Variants in CEP112 observed in about 807,000 individuals in gnomAD.
The protein encoded by CEP112 is centrosomal protein 112.
A neutral mutation model predicts 153.0 loss-of-function variants in CEP112; 127 were observed. The ratio of observed to expected loss-of-function variants is 0.83; its 90% CI spans 0.72 to 0.96. The LOEUF is 0.96. CEP112 is among the 40% of genes least tolerant of loss of function. The pLI is 0.00. For synonymous variants in CEP112, 358 were observed against 374.4 expected, an observed-to-expected ratio of 0.96 and a Z score of 0.51; for missense variants, 1,089 against 1,101.2, an observed-to-expected ratio of 0.99 and a Z score of 0.16.
At chr17:65,859,439 C>CAA (rs57675567) in intron 20 of CEP112, among the ~76,000 whole-genome samples, 5 of 93,666 alleles carry the variant, frequency 5.3e-5, no homozygotes, top group South Asian at 3.5e-4. Context: ...GACTCCATCT[C>CAA]AAAAAAAAAA....
At chr17:65,998,922 G>A (rs1042403834) in intron 17 of CEP112, among the ~76,000 whole-genome samples, 1 of 151,932 alleles carries the variant, frequency 6.6e-6, no homozygotes, top group African/African-American at 2.4e-5. Flanking sequence ...AATTCAAACT[G>A]TTCCCAAAAC....
At chr17:65,657,783 A>G (rs960546979) in intron 24 of CEP112, among the ~76,000 whole-genome samples, 3 of 152,216 alleles carry the variant, frequency 2.0e-5, no homozygotes, top group Non-Finnish European at 4.4e-5. Flanking sequence ...ATACTCAGTG[A>G]GGCTGATGGG....
At chr17:65,993,361 T>C (rs2063665946) in intron 17 of CEP112, among the ~76,000 whole-genome samples, 1 of 152,208 alleles carries the variant, frequency 6.6e-6, no homozygotes, top group African/African-American at 2.4e-5. Flanking sequence ...TTTGGGTTGA[T>C]TCCATGTCTT....
chr17:65,809,023 T>C (rs781450810), intron 21 of CEP112, among the ~76,000 whole-genome samples: 1 of 152,174 alleles, frequency 6.6e-6, no homozygotes, highest in African/African-American at 2.4e-5. Context: ...TTACCAGATG[T>C]AGCACCTTGA....
chr17:66,006,232 C>G (rs527925432), intron 16 of CEP112, among the ~76,000 whole-genome samples: 45 of 152,164 alleles, frequency 3.0e-4, no homozygotes, highest in Admixed American at 6.5e-4. Context: ...CCTCCCCACT[C>G]CCCGCACCAT....
chr17:66,175,116 T>A lies in CEP112; in HGVS notation c.398A>T (p.Lys133Ile), dbSNP rs779997758. 1 of 1,613,588 alleles carries A rather than the reference T, an allele frequency of 6.2e-7. No homozygotes were observed. The highest frequency in any genetic ancestry group is 8.5e-7 in the Non-Finnish European group (1 of 1,179,726). The change falls in exon 4 of 27, where the codon AAA becomes ATA. Residue 133 changes from lysine to isoleucine, a missense_variant. Transcript: ENST00000535342. ...VLGELETSEH[K>I]LNESWKLSSG... is the part of the protein sequence containing the mutation. ...AGAGAGTTTCCATGATTCATTTAATTTGTGTTCACTTGTCTCCAGCTCACC... is the reference window on the plus strand; with the variant it reads ...AGAGAGTTTCCATGATTCATTTAATATGTGTTCACTTGTCTCCAGCTCACC...
intron 21 of CEP112, among the ~76,000 whole-genome samples, chr17:65,823,989 T>C (rs1462743187): frequency 1.3e-5 from 2 of 152,184 alleles, no homozygotes; most frequent in African/African-American, 4.8e-5. Flanking sequence ...TCTCATACAC[T>C]GCTGGTGGGA....
At chr17:65,846,061 T>C (rs8067930) in intron 21 of CEP112, among the ~76,000 whole-genome samples, 151,685 of 152,356 alleles carry the variant, frequency 1, 75,510 homozygotes, top group Non-Finnish European at 1. Flanking sequence ...TTATTGTCCT[T>C]TCCTCTTTGA....
intron 1 of CEP112, among the ~76,000 whole-genome samples, chr17:66,187,281 A>G (rs1201408077): frequency 6.6e-6 from 1 of 151,550 alleles, no homozygotes; most frequent in East Asian, 1.9e-4. Context: ...CTGTTTAAAA[A>G]TCTCCCCTCA....
chr17:65,638,341 TA>T (rs2044895219), intron 25 of CEP112, among the ~76,000 whole-genome samples: 1 of 152,274 alleles, frequency 6.6e-6, no homozygotes, highest in South Asian at 2.1e-4. Context: ...TGGCTTAATG[TA>T]ATCAAGAGTC....
At chr17:66,130,409 C>T (rs954173396) in intron 5 of CEP112, among the ~76,000 whole-genome samples, 3 of 152,016 alleles carry the variant, frequency 2.0e-5, no homozygotes, top group African/African-American at 7.2e-5. Flanking sequence ...GTCCAAGAAG[C>T]TCTTTGTTCT....
chr17:65,711,938 T>A (rs927641412), intron 23 of CEP112, among the ~76,000 whole-genome samples: 2 of 152,232 alleles, frequency 1.3e-5, no homozygotes, highest in Non-Finnish European at 2.9e-5. Flanking sequence ...ACTCACTGCA[T>A]GCATTTTGGC....
chr17:66,092,390 G>GAT (rs2068177506), intron 8 of CEP112, among the ~76,000 whole-genome samples: 2 of 30,876 alleles, frequency 6.5e-5, no homozygotes, highest in African/African-American at 2.3e-4. Flanking sequence ...CACACACACA[G>GAT]ATACACACAC....
At chr17:65,765,678 G>T (rs1233139261) in intron 21 of CEP112, among the ~76,000 whole-genome samples, 1 of 151,980 alleles carries the variant, frequency 6.6e-6, no homozygotes, top group Admixed American at 6.6e-5. Flanking sequence ...CTCACAATAT[G>T]TTGCTGCCAC....
chr17:66,090,944 A>T (rs936904349), intron 8 of CEP112, among the ~76,000 whole-genome samples: 2 of 152,106 alleles, frequency 1.3e-5, no homozygotes, highest in Non-Finnish European at 2.9e-5. Context: ...GATACAGGTC[A>T]TTATACAGTG....
intron 4 of CEP112, among the ~76,000 whole-genome samples, chr17:66,140,685 A>C (rs2070653949): frequency 6.6e-6 from 1 of 152,088 alleles, no homozygotes; most frequent in Non-Finnish European, 1.5e-5. Flanking sequence ...TCTTGTTGCC[A>C]AGGCTGGGGT....
chr17:65,892,740 C>A (rs1204059698), intron 20 of CEP112, among the ~76,000 whole-genome samples: 2 of 152,080 alleles, frequency 1.3e-5, no homozygotes, highest in Admixed American at 6.6e-5. Context: ...AATTGAAGAG[C>A]AAAAGTTTTC....
At chr17:65,899,343 T>C (rs961924740) in intron 20 of CEP112, among the ~76,000 whole-genome samples, 2 of 152,138 alleles carry the variant, frequency 1.3e-5, no homozygotes, top group African/African-American at 4.8e-5. Flanking sequence ...AGTATCAAAA[T>C]ATAATATATC....
intron 17 of CEP112, among the ~76,000 whole-genome samples, chr17:65,966,416 A>G (rs918204728): frequency 4.6e-5 from 7 of 152,224 alleles, no homozygotes; most frequent in African/African-American, 1.7e-4. Context: ...GTTCCAGTAC[A>G]TTTGATAAAG....
Sources: allele counts gnomAD v4.1 joint callset (sites outside exome capture counted in the v4.1 genomes callset), GRCh38; gene constraint gnomAD v4.1.1; transcripts MANE v1.5; gene names NCBI Gene and HGNC (gene_info 2026-07-23, HGNC 2026-07-21).